NLRP5: variants seen among roughly 807,000 people sequenced by gnomAD.
NLRP5 encodes the protein NACHT, LRR and PYD domains-containing protein 5.
Under a neutral mutation model 113.1 loss-of-function variants are expected in NLRP5, and 93 were observed. The ratio of observed to expected loss-of-function variants is 0.82; its 90% CI spans 0.70 to 0.98. NLRP5 has a LOEUF of 0.98. Ranked by LOEUF, NLRP5 falls within the 50% of genes least tolerant of loss-of-function variation. The pLI is 0.00. For missense variants in NLRP5, 1,808 were observed against 1,514.3 expected, an observed-to-expected ratio of 1.19 and a Z score of -3.22; for synonymous variants, 751 against 600.7, an observed-to-expected ratio of 1.25 and a Z score of -3.66.
At chr19:56,047,337 A>T (rs1431667669) in intron 11 of NLRP5, among the ~76,000 whole-genome samples, 1 of 152,044 alleles carries the variant, frequency 6.6e-6, no homozygotes, top group Non-Finnish European at 1.5e-5. Flanking sequence ...TTATAGTATC[A>T]GTTGATGCTC....
In NLRP5 at chr19:56,020,420, C is replaced by G. The variant is rs550190505; in HGVS notation, c.668C>G (p.Thr223Arg). 13 of 1,613,466 alleles carry G rather than the reference C, an allele frequency of 8.1e-6. No individual in the cohort carries two copies. The highest frequency in any genetic ancestry group is 1.1e-5 in the Non-Finnish European group (13 of 1,179,764). Reference sequence around the variant, plus strand: ...CAAGAAGGTGCCACAGCAGCAGAGACAGAAGAACAAGGTGAGGAAAATAGA... The same window carrying G: ...CAAGAAGGTGCCACAGCAGCAGAGAGAGAAGAACAAGGTGAGGAAAATAGA... Residue 223 changes from threonine (T) to arginine (R), a missense_variant, in exon 6 of 15, where the codon ACA (threonine) becomes AGA (arginine). Physicochemically the swap from Thr to Arg is moderately conservative, Grantham distance 71. Coordinates refer to ENST00000390649, the MANE Select transcript of NLRP5 (RefSeq NM_153447.4).
At chr19:56,025,880 ATCAT>A (rs1430528021) in intron 6 of NLRP5, among the ~76,000 whole-genome samples, 1 of 152,002 alleles carries the variant, frequency 6.6e-6, no homozygotes, top group African/African-American at 2.4e-5. Flanking sequence ...GTTGGCATAC[ATCAT>A]TCATTTAACA....
chr19:56,035,048 C>T (rs977447434), intron 9 of NLRP5, among the ~76,000 whole-genome samples: 18 of 152,188 alleles, frequency 1.2e-4, no homozygotes, highest in African/African-American at 4.3e-4. Context: ...AGGCAATTCT[C>T]CTGCCTCAGC....
chr19:56,055,670 C>T (rs1209044637), intron 13 of NLRP5, among the ~76,000 whole-genome samples: 1 of 150,864 alleles, frequency 6.6e-6, no homozygotes, highest in Non-Finnish European at 1.5e-5. Flanking sequence ...CTCAGCCTCC[C>T]AAGTAGCTGG....
chr19:56,020,666 C>A (rs1010277774), intron 6 of NLRP5, among the ~76,000 whole-genome samples: 15 of 151,262 alleles, frequency 9.9e-5, no homozygotes, highest in Non-Finnish European at 1.8e-4. Context: ...CTAAAGAACC[C>A]ATAATTCTAG....
At chr19:56,010,988 C>A (rs1343594287) in intron 3 of NLRP5, among the ~76,000 whole-genome samples, 1 of 151,522 alleles carries the variant, frequency 6.6e-6, no homozygotes, top group East Asian at 1.9e-4. Context: ...CCGACGTCTA[C>A]CAAAAGAATT....
At chr19:56,005,107 AATAT>A (rs773360006) in intron 2 of NLRP5, among the ~76,000 whole-genome samples, 1 of 95,344 alleles carries the variant, frequency 1.0e-5, no homozygotes, top group Non-Finnish European at 2.3e-5. Flanking sequence ...AAAAAAAAAA[AATAT>A]ATATATATAT....
intron 13 of NLRP5, 55 bp downstream of exon 13, chr19:56,053,863 C>T (rs1377860513): frequency 2.8e-5 from 44 of 1,558,244 alleles, no homozygotes; most frequent in Non-Finnish European, 3.6e-5. Context: ...TGGGGGACCC[C>T]AGCATGAGGT....
chr19:56,044,412 C>T (rs1983646111), intron 11 of NLRP5, among the ~76,000 whole-genome samples: 1 of 152,284 alleles, frequency 6.6e-6, no homozygotes, highest in East Asian at 1.9e-4. Flanking sequence ...AGATGAGGAT[C>T]CGGTTTCATT....
rs979505236 is a variant in NLRP5 at position 56,061,686 on chromosome 19, C to T, written c.*158C>T. On this transcript the variant is annotated 3_prime_UTR_variant, in exon 15 of 15. Coordinates refer to ENST00000390649, the MANE Select transcript of NLRP5 (RefSeq NM_153447.4). ...AATGGTAGTGATTCTTCTGTGTTCA[C>T]TCTACGTTGGTTACTGGATTTGAAG... The T allele has an allele frequency of 2.2e-5, 18 of 804,554 alleles. No individual in the cohort carries two copies. The highest frequency in any genetic ancestry group is 6.9e-5 in the African/African-American group (4 of 58,350). The allele number at this position is 804,554 out of a possible 1,614,324, so 49.8% of individuals were successfully genotyped here. A position where few individuals can be genotyped will look rare whatever the true frequency, so the allele number is the denominator to read the frequency against.
In NLRP5 at chr19:56,053,936, C is replaced by A. The variant is rs766684038; in HGVS notation, c.3299+128C>A. 1.8e-5 allele frequency: 14 copies of A among 777,740 alleles called. 1 individual carries two copies. Among genetic ancestry groups the A allele is most frequent in the Non-Finnish European group, 2.8e-5 (13 of 472,038 alleles). 48.2% of individuals were successfully genotyped at this position (777,740 alleles called of 1,614,324 possible). ...GTCCCTCAAGTTAGATGGAGTGCAA[C>A]CTTCGCAGCACCACAGATCTGGGTA... On this transcript the variant is annotated intron_variant, in intron 13 of 14. Coordinates refer to ENST00000390649, the MANE Select transcript of NLRP5 (RefSeq NM_153447.4).
At chr19:56,036,989 T>G (rs1315154962) in intron 9 of NLRP5, among the ~76,000 whole-genome samples, 1 of 152,118 alleles carries the variant, frequency 6.6e-6, no homozygotes, top group Non-Finnish European at 1.5e-5. Context: ...CCTGCTTCCT[T>G]CATCTCTGCC....
In NLRP5 at chr19:56,058,343, A is replaced by G. The variant is rs147885249; in HGVS notation, c.3403A>G (p.Ser1135Gly). The change falls in exon 14 of 15, where the codon AGT becomes GGT. Residue 1135 changes from serine (S) to glycine (G), a missense_variant. By Grantham distance (56) the Ser-to-Gly change is moderately conservative (BLOSUM62 0). Coordinates refer to ENST00000390649, the MANE Select transcript of NLRP5 (RefSeq NM_153447.4). ...TCTAAACCTGGTGCAGAATAACTTC[A>G]GTCCCAAAGGAATGATGAAGCTGTG... is the stretch of plus-strand genomic sequence containing the variant. 1,096 of 1,614,030 alleles carry G rather than the reference A, an allele frequency of 6.8e-4. 9 individuals carry two copies. In the African/African-American group the frequency reaches 0.012, roughly 17 times the overall value.
chr19:56,005,776 C>T (rs1464838120), intron 2 of NLRP5, among the ~76,000 whole-genome samples: 1 of 152,066 alleles, frequency 6.6e-6, no homozygotes, highest in African/African-American at 2.4e-5. Flanking sequence ...GGTATTATTC[C>T]CAGGAAGAGA....
intron 7 of NLRP5, 89 bp from the exon 8 acceptor site, chr19:56,032,522 A>C: frequency 8.1e-7 from 1 of 1,235,540 alleles, no homozygotes; most frequent in Non-Finnish European, 1.1e-6. Context: ...TCACCTCGAG[A>C]GCTCGGTCCC....
chr19:56,047,328 T>C (rs1983765196), intron 11 of NLRP5, among the ~76,000 whole-genome samples: 1 of 152,216 alleles, frequency 6.6e-6, no homozygotes, highest in Admixed American at 6.5e-5. Flanking sequence ...GGTGTGACCT[T>C]ATAGTATCAG....
At chr19:56,012,068 A>G (rs538394079) in intron 3 of NLRP5, among the ~76,000 whole-genome samples, 1 of 152,236 alleles carries the variant, frequency 6.6e-6, no homozygotes, top group East Asian at 1.9e-4. Flanking sequence ...AATAGATTGA[A>G]TGTATTATGA....
chr19:56,010,457 C>G (rs1244636169), intron 3 of NLRP5, among the ~76,000 whole-genome samples: 4 of 151,922 alleles, frequency 2.6e-5, no homozygotes, highest in Non-Finnish European at 5.9e-5. Flanking sequence ...AAAGATGTCC[C>G]TCAAAGGCTG....
At chr19:56,021,028 T>G (rs1444318628) in intron 6 of NLRP5, among the ~76,000 whole-genome samples, 4 of 151,996 alleles carry the variant, frequency 2.6e-5, no homozygotes, top group Non-Finnish European at 4.4e-5. Context: ...CCTGCCACCA[T>G]GCCCGACTAA....
Sources: gnomAD v4.1 joint callset for allele counts (sites outside exome capture counted in the v4.1 genomes callset) on GRCh38, gnomAD v4.1.1 for gene constraint, MANE v1.5 for transcripts, NCBI Gene and HGNC (gene_info 2026-07-23, HGNC 2026-07-21) for gene names.